The following ARMH4 variants were observed in gnomAD, a reference collection of about 807,000 sequenced individuals.
The protein encoded by ARMH4 is armadillo like helical domain containing 4.
ARMH4 carries 49 observed loss-of-function variants against 61.9 expected under a neutral mutation model. The ratio of observed to expected loss-of-function variants is 0.79; its 90% CI spans 0.63 to 1.00. The LOEUF (loss-of-function observed/expected upper bound fraction) is 1.00. ARMH4 is among the 50% of genes least tolerant of loss of function. ARMH4 has a pLI of 0.00. For synonymous variants in ARMH4, 368 were observed against 341.5 expected (o/e 1.08, Z -0.85); for missense variants, 934 against 930.0 (o/e 1.00, Z -0.06).
In ARMH4 at chr14:58,104,320, C is replaced by G. The variant is rs564803745; in HGVS notation, c.1832-7339G>C. Among the ~76,000 whole-genome samples the G allele has an allele frequency of 3.3e-5, 5 of 152,310 alleles. No homozygotes were observed. In the South Asian group the frequency reaches 1.0e-3, roughly 32 times the overall value. ...ATGTGGGATACAAGAGGAAAGCTTT[C>G]TCCTTGTACTACTAGCTTCACCCTT... On this transcript the variant is annotated intron_variant, in intron 4 of 7. Transcript: ENST00000267485.
At chr14:58,103,885 C>A (rs1404197591) in intron 4 of ARMH4, among the ~76,000 whole-genome samples, 1 of 152,106 alleles carries the variant, frequency 6.6e-6, no homozygotes, top group Non-Finnish European at 1.5e-5. Context: ...GTTCTCTGAC[C>A]ACTAGCATCC....
In ARMH4 at chr14:58,069,830, T is replaced by C. The variant is rs556572910; in HGVS notation, c.2089+26894A>G. Among the ~76,000 whole-genome samples the C allele has an allele frequency of 8.5e-5, 13 of 152,332 alleles. 1 individual carries two copies. Among genetic ancestry groups the C allele is most frequent in the African/African-American group, 1.4e-4 (6 of 41,590 alleles). On this transcript the variant is annotated intron_variant, in intron 5 of 7. Transcript: ENST00000267485. The stretch of plus-strand genomic sequence containing the variant: ...ATTGATCATCTCTCAGAACCTGTTA[T>C]AACACCCATTCACACCATAAATATT...
At chr14:58,011,765 G>GAAAAAAAAAAAA (rs745515042) in intron 6 of ARMH4, among the ~76,000 whole-genome samples, 1 of 95,646 alleles carries the variant, frequency 1.0e-5, no homozygotes, top group Non-Finnish European at 2.1e-5. Flanking sequence ...TCTCATATTA[G>GAAAAAAAAAAAA]AAAAAAAAAA....
At chr14:58,124,270 A>C (rs1233316157) in intron 4 of ARMH4, among the ~76,000 whole-genome samples, 1 of 152,228 alleles carries the variant, frequency 6.6e-6, no homozygotes, top group African/African-American at 2.4e-5. Context: ...GCTTGCCAAC[A>C]GAGCAAGACT....
chr14:58,038,741 C>A (rs1178737167), intron 5 of ARMH4, among the ~76,000 whole-genome samples: 2 of 152,050 alleles, frequency 1.3e-5, no homozygotes, highest in East Asian at 3.9e-4. Context: ...TTATCTGTGA[C>A]AACTATAATG....
At position 58,152,062 on chromosome 14, in the gene ARMH4, G is replaced by T. The variant is rs1007415242; in HGVS notation, c.-57+13C>A. The stretch of plus-strand genomic sequence containing the variant: ...GCGGCCGCCCAAGTGGCCGGAGCCG[G>T]GCCCGTCCTCACCTGTGCGCCTTCA... On this transcript the variant is annotated intron_variant, in intron 1 of 7. Coordinates refer to ENST00000267485, the MANE Select transcript of ARMH4 (RefSeq NM_001001872.4). 2.0e-5 allele frequency: 3 copies of T among 153,048 alleles called. No individual in the cohort carries two copies. The highest frequency in any genetic ancestry group is 4.4e-5 in the Non-Finnish European group (3 of 68,180). 9.5% of individuals were successfully genotyped at this position (153,048 alleles called of 1,614,324 possible). A position where few individuals can be genotyped will look rare whatever the true frequency, so the allele number is the denominator to read the frequency against.
chr14:58,111,237 T>C (rs1886343453), intron 4 of ARMH4, among the ~76,000 whole-genome samples: 2 of 152,132 alleles, frequency 1.3e-5, no homozygotes, highest in Non-Finnish European at 2.9e-5. Flanking sequence ...AAGGATAATA[T>C]ATAATAATAT....
In ARMH4 at chr14:58,023,469, T is replaced by C. The variant is rs558664010; in HGVS notation, c.2090-11319A>G. ...TTCAGTCACATCTTCAGGCTCCATTTATAATTCTAATTCTCTTTCTATTTC... is the reference window on the plus strand; with the variant it reads ...TTCAGTCACATCTTCAGGCTCCATTCATAATTCTAATTCTCTTTCTATTTC... On this transcript the variant is annotated intron_variant, in intron 5 of 7. Coordinates refer to ENST00000267485, the MANE Select transcript of ARMH4 (RefSeq NM_001001872.4). Among the ~76,000 whole-genome samples the C allele has an allele frequency of 3.3e-5, 5 of 152,334 alleles. No homozygotes were observed. In the South Asian group the frequency reaches 1.0e-3, roughly 32 times the overall value.
At chr14:58,115,404 AT>A (rs1886485068) in intron 4 of ARMH4, among the ~76,000 whole-genome samples, 1 of 152,206 alleles carries the variant, frequency 6.6e-6, no homozygotes, top group Non-Finnish European at 1.5e-5. Context: ...AATGGTTATT[AT>A]TAGAAGTCAA....
chr14:58,062,054 G>T (rs1391189225), intron 5 of ARMH4, among the ~76,000 whole-genome samples: 1 of 152,078 alleles, frequency 6.6e-6, no homozygotes, highest in Non-Finnish European at 1.5e-5. Flanking sequence ...GAAGAGCAAA[G>T]GTGGCTGGAT....
At chr14:58,015,311 T>C (rs765091344) in intron 5 of ARMH4, among the ~76,000 whole-genome samples, 5 of 151,954 alleles carry the variant, frequency 3.3e-5, no homozygotes, top group African/African-American at 7.3e-5. Flanking sequence ...TAACACAGAG[T>C]GGGAAAGCCA....
intron 5 of ARMH4, among the ~76,000 whole-genome samples, chr14:58,055,740 A>C (rs989501312): frequency 6.6e-6 from 1 of 152,172 alleles, no homozygotes; most frequent in South Asian, 2.1e-4. Flanking sequence ...TGCTCAACAG[A>C]ATTTGGAGAA....
chr14:58,129,423 A>G (rs1398270114), intron 4 of ARMH4, among the ~76,000 whole-genome samples: 1 of 152,212 alleles, frequency 6.6e-6, no homozygotes, highest in Admixed American at 6.5e-5. Flanking sequence ...AAAGGAAGAT[A>G]TTAAAATAAC....
chr14:58,021,954 A>T (rs1399401130), intron 5 of ARMH4, among the ~76,000 whole-genome samples: 1 of 152,224 alleles, frequency 6.6e-6, no homozygotes, highest in East Asian at 1.9e-4. Context: ...ATACACTGGT[A>T]TAGTATAGTA....
At chr14:58,009,818 A>G (rs1882324166) in intron 6 of ARMH4, among the ~76,000 whole-genome samples, 1 of 144,470 alleles carries the variant, frequency 6.9e-6, no homozygotes, top group South Asian at 2.2e-4. Context: ...AAAAAAAAAA[A>G]AAAAAAAAAA....
In ARMH4 at chr14:58,071,900, C is replaced by T. The variant is rs73308372; in HGVS notation, c.2089+24824G>A. 3.8e-3 allele frequency among the ~76,000 whole-genome samples: 581 copies of T among 152,294 alleles called. 6 individuals carry two copies. The highest frequency in any genetic ancestry group is 0.013 in the African/African-American group (561 of 41,576). On this transcript the variant is annotated intron_variant, in intron 5 of 7. Transcript: ENST00000267485. ...CCATGACAAGAACCTGTGCGAATGT[C>T]GGATGGAGTAAAGGAATCCAGATGC... is the stretch of plus-strand genomic sequence containing the variant.
In ARMH4 at chr14:58,054,887, AAT is replaced by A. The variant is rs1424036315; in HGVS notation, c.2089+41835_2089+41836del. On this transcript the variant is annotated intron_variant, in intron 5 of 7. Transcript: ENST00000267485. Reference sequence around the variant, plus strand: ...TCTGTCTCAAAAAAAAAAAAAAAATAATAATAATAATAATAATAATAATGTTC... The same window carrying A: ...TCTGTCTCAAAAAAAAAAAAAAAATAAATAATAATAATAATAATAATGTTC... Among the ~76,000 whole-genome samples the A allele has an allele frequency of 5.1e-3, 407 of 80,504 alleles. 1 individual carries two copies. Among genetic ancestry groups the A allele is most frequent in the African/African-American group, 0.03 (367 of 12,350 alleles). The allele number at this position is 80,504 out of a possible 152,430, so 52.8% of individuals were successfully genotyped here.
chr14:58,088,149 A>G (rs1885440041), intron 5 of ARMH4, among the ~76,000 whole-genome samples: 1 of 152,220 alleles, frequency 6.6e-6, no homozygotes, highest in Non-Finnish European at 1.5e-5. Flanking sequence ...ACAGCAGGAT[A>G]TAAATACATA....
intron 4 of ARMH4, among the ~76,000 whole-genome samples, chr14:58,114,360 G>A (rs17094359): frequency 0.029 from 4,470 of 152,222 alleles, 230 homozygotes; most frequent in African/African-American, 0.1. Flanking sequence ...CTAGAGCACC[G>A]TTACCTCTTC....
Sources: gnomAD v4.1 joint callset for allele counts (sites outside exome capture counted in the v4.1 genomes callset) on GRCh38, gnomAD v4.1.1 for gene constraint, MANE v1.5 for transcripts, NCBI Gene and HGNC (gene_info 2026-07-23, HGNC 2026-07-21) for gene names.